Variants in LYPD6 observed in about 807,000 individuals in gnomAD.
LYPD6 encodes the protein ly6/PLAUR domain-containing protein 6.
In LYPD6, 15 loss-of-function variants were observed where a neutral mutation model predicts 22.7. That is an observed-to-expected ratio of 0.66 (90% CI 0.44 to 1.02). LYPD6 has a LOEUF of 1.02. Among genes scored for constraint, LYPD6 ranks in the 50% least tolerant of loss-of-function variants. The pLI is 0.00. For synonymous variants in LYPD6, 72 were observed against 77.5 expected (o/e 0.93, Z 0.37); for missense variants, 189 against 208.4 (o/e 0.91, Z 0.57).
At chr2:149,354,344 A>T (rs1193541498) in intron 1 of LYPD6, among the ~76,000 whole-genome samples, 1 of 152,104 alleles carries the variant, frequency 6.6e-6, no homozygotes, top group Non-Finnish European at 1.5e-5. Context: ...AGTAGCTGGG[A>T]TTACAGGTGC....
Position 149,344,931 on chromosome 2 carries a change from C to T in LYPD6, c.-72+14209C>T, listed in dbSNP as rs377688216. Among the ~76,000 whole-genome samples the T allele has an allele frequency of 6.6e-5, 10 of 152,280 alleles. No individual in the cohort carries two copies. In the South Asian group the frequency reaches 1.9e-3, roughly 28 times the overall value. On this transcript the variant is annotated intron_variant, in intron 1 of 4. Transcript: ENST00000334166. ...AGGCATAGTGTCTTGTGCCTATAGT[C>T]CACCTACTTGGCAGGCTGAGGCAGG...
chr2:149,359,962 T>A (rs1159424974), intron 1 of LYPD6, among the ~76,000 whole-genome samples: 2 of 152,198 alleles, frequency 1.3e-5, no homozygotes, highest in South Asian at 4.1e-4. Flanking sequence ...CATGGGCTGC[T>A]CACCTGAGTA....
chr2:149,408,301 T>C lies in LYPD6; in HGVS notation c.-71-29337T>C, dbSNP rs1489368440. Among the ~76,000 whole-genome samples, 3 of 152,192 alleles carry C rather than the reference T, an allele frequency of 2.0e-5. No homozygotes were observed. In the East Asian group the frequency reaches 5.8e-4, roughly 29 times the overall value. On this transcript the variant is annotated intron_variant, in intron 1 of 4. Coordinates refer to ENST00000334166, the MANE Select transcript of LYPD6 (RefSeq NM_194317.5). ...GGGACATTTTCAATATGTTTTTCTT[T>C]ATAGGTTACCTGATACTTTTGCCTC...
At position 149,336,937 on chromosome 2, in the gene LYPD6, G is replaced by A. The variant is rs199536368; in HGVS notation, c.-72+6215G>A. On this transcript the variant is annotated intron_variant, in intron 1 of 4. Transcript: ENST00000334166. ...CAGCATGTTGAAATAACGTGTGTGT[G>A]TGTGTGTGTGTGTGTGTGTGTGTTT... Among the ~76,000 whole-genome samples, 8 of 151,764 alleles carry A rather than the reference G, an allele frequency of 5.3e-5. No homozygotes were observed. In the East Asian group the frequency reaches 9.7e-4, roughly 18 times the overall value.
In LYPD6 at chr2:149,437,759, G is replaced by T. The variant is rs749978678; in HGVS notation, c.51G>T (p.Ala17=). The part of the protein sequence containing the change: ...LAWLLLLSLL[A]DCLKAAQSRD... ...GGCTCCTGCTCCTGAGCCTGCTGGC[G>T]GATTGTCTGAAAGCTGCTCAGTCCC... Residue 17 remains alanine, a synonymous_variant, in exon 2 of 5, where the codon GCG becomes GCT. Coordinates refer to ENST00000334166, the MANE Select transcript of LYPD6 (RefSeq NM_194317.5). The T allele has an allele frequency of 6.2e-6, 10 of 1,613,980 alleles. No individual in the cohort carries two copies. The highest frequency in any genetic ancestry group is 8.5e-6 in the Non-Finnish European group (10 of 1,180,030).
intron 1 of LYPD6, among the ~76,000 whole-genome samples, chr2:149,393,055 C>A (rs1402643327): frequency 6.6e-6 from 1 of 152,120 alleles, no homozygotes; most frequent in Non-Finnish European, 1.5e-5. Context: ...TGTACTTTGG[C>A]CCAGGTGCAT....
At chr2:149,381,735 A>G (rs1228771248) in intron 1 of LYPD6, among the ~76,000 whole-genome samples, 1 of 152,204 alleles carries the variant, frequency 6.6e-6, no homozygotes, top group Non-Finnish European at 1.5e-5. Flanking sequence ...TCCATTTACC[A>G]AGTGCTTTCT....
chr2:149,341,933 T>A (rs1449041880), intron 1 of LYPD6, among the ~76,000 whole-genome samples: 1 of 152,174 alleles, frequency 6.6e-6, no homozygotes, highest in Non-Finnish European at 1.5e-5. Flanking sequence ...AGGGAAACCA[T>A]AGCAGATTGG....
chr2:149,459,016 G>A (rs1195042331), intron 3 of LYPD6, among the ~76,000 whole-genome samples: 1 of 152,094 alleles, frequency 6.6e-6, no homozygotes, highest in Non-Finnish European at 1.5e-5. Flanking sequence ...AGAGGGTGAA[G>A]CTGAAAAAAG....
intron 1 of LYPD6, among the ~76,000 whole-genome samples, chr2:149,402,322 A>G (rs1381360436): frequency 2.0e-5 from 3 of 151,898 alleles, no homozygotes; most frequent in African/African-American, 7.3e-5. Context: ...TATTTTTACA[A>G]TTACAAATTG....
At chr2:149,408,791 T>A (rs926026637) in intron 1 of LYPD6, among the ~76,000 whole-genome samples, 2 of 152,218 alleles carry the variant, frequency 1.3e-5, no homozygotes, top group African/African-American at 4.8e-5. Flanking sequence ...TCAATTTCAC[T>A]GAAGAATTTT....
At chr2:149,410,038 G>T (rs1030344409) in intron 1 of LYPD6, among the ~76,000 whole-genome samples, 1 of 152,182 alleles carries the variant, frequency 6.6e-6, no homozygotes, top group Non-Finnish European at 1.5e-5. Context: ...CTGAGCAGGA[G>T]CTGCAAGCTA....
chr2:149,344,817 CA>C, intron 1 of LYPD6, among the ~76,000 whole-genome samples: 1 of 152,228 alleles, frequency 6.6e-6, no homozygotes, highest in Non-Finnish European at 1.5e-5. Flanking sequence ...CCTCCTCCTA[CA>C]AAAATAGCTC....
At chr2:149,466,079 T>C (rs1681194054) in intron 3 of LYPD6, among the ~76,000 whole-genome samples, 1 of 152,176 alleles carries the variant, frequency 6.6e-6, no homozygotes, top group South Asian at 2.1e-4. Context: ...CAATGCTCTG[T>C]GGCTGAAACT....
intron 1 of LYPD6, among the ~76,000 whole-genome samples, chr2:149,392,499 C>A (rs1217110965): frequency 6.6e-6 from 1 of 152,148 alleles, no homozygotes; most frequent in Non-Finnish European, 1.5e-5. Flanking sequence ...GCTCTTCTCT[C>A]AACTCTTGGA....
At chr2:149,395,665 A>G (rs1020470090) in intron 1 of LYPD6, among the ~76,000 whole-genome samples, 1 of 152,018 alleles carries the variant, frequency 6.6e-6, no homozygotes, top group Non-Finnish European at 1.5e-5. Flanking sequence ...TATAGTAACT[A>G]TTTTTTCCCC....
Position 149,471,113 on chromosome 2 carries a change from A to G in LYPD6, c.*263A>G. 8 of 333,256 alleles carry G rather than the reference A, an allele frequency of 2.4e-5. No homozygotes were observed. 20.6% of individuals were successfully genotyped at this position (333,256 alleles called of 1,614,324 possible). A position where few individuals can be genotyped will look rare whatever the true frequency, so the allele number is the denominator to read the frequency against. ...AACGTTTGTTTTCATTCCAAGAAGT[A>G]GTTCTGCATTTATCGAGATCTGGGG... On this transcript the variant is annotated 3_prime_UTR_variant, in exon 5 of 5. Coordinates refer to ENST00000334166, the MANE Select transcript of LYPD6 (RefSeq NM_194317.5).
At chr2:149,463,791 A>T (rs1297811280) in intron 3 of LYPD6, among the ~76,000 whole-genome samples, 1 of 152,164 alleles carries the variant, frequency 6.6e-6, no homozygotes, top group Non-Finnish European at 1.5e-5. Context: ...ATGTTGTGTG[A>T]CTCATTTATA....
intron 1 of LYPD6, among the ~76,000 whole-genome samples, chr2:149,391,858 C>T (rs556168915): frequency 3.3e-5 from 5 of 152,196 alleles, no homozygotes; most frequent in Non-Finnish European, 5.9e-5. Context: ...ATGTACCTCA[C>T]CAGGACAAAT....
Sources: allele counts gnomAD v4.1 joint callset (sites outside exome capture counted in the v4.1 genomes callset), GRCh38; gene constraint gnomAD v4.1.1; transcripts MANE v1.5; gene names NCBI Gene and HGNC (gene_info 2026-07-23, HGNC 2026-07-21).